The following IGLL5 variants were observed in gnomAD, a reference collection of about 807,000 sequenced individuals.
The protein encoded by IGLL5 is immunoglobulin lambda-like polypeptide 5.
A neutral mutation model predicts 20.9 loss-of-function variants in IGLL5; 30 were observed. The observed-to-expected ratio is 1.44, with a 90% CI of 1.07 to 1.95. The LOEUF (loss-of-function observed/expected upper bound fraction) is 1.95, where lower values mean the gene tolerates loss of function less well. IGLL5 is among the 30% of genes most tolerant of loss of function. The pLI is 0.00. For synonymous variants in IGLL5, 203 were observed against 117.3 expected, an observed-to-expected ratio of 1.73 and a Z score of -4.72; for missense variants, 475 against 270.7, an observed-to-expected ratio of 1.75 and a Z score of -5.30.
intron 2 of IGLL5, among the ~76,000 whole-genome samples, chr22:22,894,202 G>T (rs1469823942): frequency 3.3e-5 from 5 of 151,258 alleles, no homozygotes; most frequent in Admixed American, 2.0e-4. Context: ...CCTGGGAGCT[G>T]CTGAGTCTCA....
At chr22:22,891,272 T>C (rs550788410) in intron 1 of IGLL5, among the ~76,000 whole-genome samples, 1 of 151,370 alleles carries the variant, frequency 6.6e-6, no homozygotes, top group African/African-American at 2.4e-5. Context: ...TTTGTGGATG[T>C]AGGAATAAGA....
intron 2 of IGLL5, among the ~76,000 whole-genome samples, chr22:22,894,736 A>C (rs1601628399): frequency 6.6e-6 from 1 of 151,126 alleles, no homozygotes; most frequent in African/African-American, 2.4e-5. Context: ...AGCTGAGGTG[A>C]AGGGTTCTGT....
At chr22:22,894,207 G>C (rs1601624544) in intron 2 of IGLL5, among the ~76,000 whole-genome samples, 3 of 151,436 alleles carry the variant, frequency 2.0e-5, no homozygotes, top group South Asian at 2.1e-4. Context: ...GAGCTGCTGA[G>C]TCTCATAGTC....
intron 1 of IGLL5, among the ~76,000 whole-genome samples, chr22:22,891,491 T>C (rs1168901723): frequency 1.3e-5 from 2 of 151,238 alleles, no homozygotes; most frequent in African/African-American, 4.9e-5. Flanking sequence ...TGTTACTTTT[T>C]CTCAAAATAG....
chr22:22,888,854 A>G (rs139696703), intron 1 of IGLL5, among the ~76,000 whole-genome samples: 17 of 151,266 alleles, frequency 1.1e-4, no homozygotes, highest in East Asian at 8.2e-4. Context: ...TTGGAGCAAT[A>G]AAGGGAGAGG....
Position 22,895,846 on chromosome 22 carries a change from C to A in IGLL5, c.*152C>A. The A allele has an allele frequency of 1.3e-6, 1 of 798,224 alleles. No individual in the cohort carries two copies. Among genetic ancestry groups the A allele is most frequent in the South Asian group, 1.6e-5 (1 of 61,234 alleles). 49.4% of individuals were successfully genotyped at this position (798,224 alleles called of 1,614,324 possible). A position where few individuals can be genotyped will look rare whatever the true frequency, so the allele number is the denominator to read the frequency against. ...TTGACAACCAGAAATCTTGTTTTATCTCATTTTTTTTCTCACATAAATTGC... is the reference window on the plus strand; with the variant it reads ...TTGACAACCAGAAATCTTGTTTTATATCATTTTTTTTCTCACATAAATTGC... On this transcript the variant is annotated 3_prime_UTR_variant, in exon 3 of 3. Coordinates refer to ENST00000526893, the MANE Select transcript of IGLL5 (RefSeq NM_001178126.2).
At position 22,894,401 on chromosome 22, in the gene IGLL5, G is replaced by A. The variant is rs183326837; in HGVS notation, c.325+583G>A. On this transcript the variant is annotated intron_variant, in intron 2 of 2. Transcript: ENST00000526893. ...CCTGTGCTGGGTCATGAGGACATGGGGACACAGAGGGACGGGTGAGACTGG... is the reference window on the plus strand; with the variant it reads ...CCTGTGCTGGGTCATGAGGACATGGAGACACAGAGGGACGGGTGAGACTGG... Among the ~76,000 whole-genome samples, 8 of 151,436 alleles carry A rather than the reference G, an allele frequency of 5.3e-5. 1 individual carries two copies. The highest frequency in any genetic ancestry group is 3.7e-3 in the Middle Eastern group (1 of 268).
chr22:22,888,832 C>T (rs1468551280), intron 1 of IGLL5, among the ~76,000 whole-genome samples: 2 of 151,322 alleles, frequency 1.3e-5, no homozygotes, highest in Non-Finnish European at 1.5e-5. Flanking sequence ...GGAACAGGCC[C>T]ACGGCCCATG....
chr22:22,888,270 A>C lies in IGLL5; in HGVS notation c.206+11A>C, dbSNP rs185935425. 2.6e-6 allele frequency: 4 copies of C among 1,546,320 alleles called. No homozygotes were observed. The highest frequency in any genetic ancestry group is 2.0e-5 in the Admixed American group (1 of 50,680). On this transcript the variant is annotated intron_variant, in intron 1 of 2. Transcript: ENST00000526893. ...GAGCCTGTGGGGCAGGTAAGGGGCA[A>C]GAGATTCCAGGGGATGTGGGGGTCC...
intron 1 of IGLL5, among the ~76,000 whole-genome samples, chr22:22,889,023 A>T (rs527620183): frequency 2.0e-5 from 3 of 151,372 alleles, no homozygotes; most frequent in East Asian, 4.0e-4. Flanking sequence ...CAAGAAGACC[A>T]TAGGGTCCGT....
rs1437967536 is a variant in IGLL5, at chr22:22,894,076, C to T, written c.325+258C>T. ...GCAGGGTCAGGGCTCCTCCTCTCTT[C>T]CAGGGCAGATGTCTGAGTGAGGGAC... On this transcript the variant is annotated intron_variant, in intron 2 of 2. Transcript: ENST00000526893. Among the ~76,000 whole-genome samples the T allele has an allele frequency of 5.3e-5, 8 of 151,464 alleles. 1 individual carries two copies. The highest frequency in any genetic ancestry group is 3.7e-3 in the Middle Eastern group (1 of 268).
In IGLL5 at chr22:22,889,593, T is replaced by C. The variant is rs2067736490; in HGVS notation, c.206+1334T>C. Reference sequence around the variant, plus strand: ...AACACAATTGTATTTGGGGGACTGTTGTTGTTTTTGTTTTGAAACAGTCTT... The same window carrying C: ...AACACAATTGTATTTGGGGGACTGTCGTTGTTTTTGTTTTGAAACAGTCTT... On this transcript the variant is annotated intron_variant, in intron 1 of 2. Transcript: ENST00000526893. Among the ~76,000 whole-genome samples, 2 of 151,226 alleles carry C rather than the reference T, an allele frequency of 1.3e-5. 1 individual carries two copies. Among genetic ancestry groups the C allele is most frequent in the African/African-American group, 4.8e-5 (2 of 41,278 alleles).
intron 2 of IGLL5, among the ~76,000 whole-genome samples, 185 bp downstream of exon 2, chr22:22,894,003 T>G (rs548758825): frequency 1.3e-5 from 2 of 149,874 alleles, no homozygotes; most frequent in Middle Eastern, 3.7e-3. Context: ...GCCTCCACAG[T>G]GGGAGCAGCC....
At chr22:22,888,674 A>G (rs2067630478) in intron 1 of IGLL5, among the ~76,000 whole-genome samples, 3 of 151,268 alleles carry the variant, frequency 2.0e-5, no homozygotes, top group Admixed American at 6.6e-5. Context: ...CAGTGAGGGC[A>G]GGGGCCACTC....
In IGLL5 at chr22:22,895,575, G is replaced by A. The variant is rs375027597; in HGVS notation, c.526G>A (p.Ala176Thr). The A allele has an allele frequency of 5.5e-5, 89 of 1,613,132 alleles. No homozygotes were observed. Among genetic ancestry groups the A allele is most frequent in the Non-Finnish European group, 7.2e-5 (85 of 1,179,786 alleles). ...CAAACAGAGCAACAACAAGTACGCG[G>A]CCAGCAGCTACCTGAGCCTGACGCC... The part of the protein sequence containing the change: ...PSKQSNNKYA[A>T]SSYLSLTPEQ... The change falls in exon 3 of 3, where the codon GCC (alanine) becomes ACC (threonine). Residue 176 changes from alanine (A) to threonine (T), a missense_variant. Coordinates refer to ENST00000526893, the MANE Select transcript of IGLL5 (RefSeq NM_001178126.2).
chr22:22,889,189 G>A (rs2067694529), intron 1 of IGLL5, among the ~76,000 whole-genome samples: 2 of 151,236 alleles, frequency 1.3e-5, no homozygotes, highest in South Asian at 2.1e-4. Flanking sequence ...CAAGTCCAGG[G>A]TAGGTGGGGA....
intron 1 of IGLL5, among the ~76,000 whole-genome samples, chr22:22,889,294 A>T (rs573860649): frequency 6.6e-6 from 1 of 151,098 alleles, no homozygotes; most frequent in Non-Finnish European, 1.5e-5. Context: ...ATGAAGTTGA[A>T]GTGAGGGCTG....
At position 22,888,023 on chromosome 22, in the gene IGLL5, G is replaced by A. The variant is rs768425783; in HGVS notation, c.-31G>A. 2.6e-5 allele frequency: 40 copies of A among 1,534,266 alleles called. No individual in the cohort carries two copies. The highest frequency in any genetic ancestry group is 2.2e-4 in the African/African-American group (16 of 72,476). ...CTCCAGGGAGCCCATGCTGCAAGTC[G>A]GGCCAGAGGTGCCCCTGAACCTGAA... is the stretch of plus-strand genomic sequence containing the variant. On this transcript the variant is annotated 5_prime_UTR_variant, in exon 1 of 3. Coordinates refer to ENST00000526893, the MANE Select transcript of IGLL5 (RefSeq NM_001178126.2).
chr22:22,893,889 T>C (rs2067942316), intron 2 of IGLL5, 71 bp downstream of exon 2: 4 of 1,047,302 alleles, frequency 3.8e-6, no homozygotes, highest in Admixed American at 1.7e-5. Context: ...TTTCTCTCTC[T>C]GGGGCTTCCT....
Sources: gnomAD v4.1 joint callset for allele counts (sites outside exome capture counted in the v4.1 genomes callset) on GRCh38, gnomAD v4.1.1 for gene constraint, MANE v1.5 for transcripts, NCBI Gene and HGNC (gene_info 2026-07-23, HGNC 2026-07-21) for gene names.